The following MVP variants were observed in gnomAD, a reference collection of about 807,000 sequenced individuals.
The protein encoded by MVP is major vault protein.
In MVP, 62 loss-of-function variants were observed where a neutral mutation model predicts 83.5. That is an observed-to-expected ratio of 0.74 (90% confidence interval 0.61 to 0.92). MVP has a LOEUF of 0.92. MVP is among the 40% of genes least tolerant of loss of function. The pLI is 0.00. For synonymous variants in MVP, 505 were observed against 504.1 expected, an observed-to-expected ratio of 1.00 and a Z score of -0.02; for missense variants, 1,000 against 1,203.4, an observed-to-expected ratio of 0.83 and a Z score of 2.50.
chr16:29,842,612 T>C (rs2067544536), intron 10 of MVP, among the ~76,000 whole-genome samples: 1 of 152,074 alleles, frequency 6.6e-6, no homozygotes, highest in Non-Finnish European at 1.5e-5. Flanking sequence ...GTCAACCCTG[T>C]TTCAAAACAA....
chr16:29,840,675 C>T (rs1281410119), intron 8 of MVP, among the ~76,000 whole-genome samples: 1 of 152,146 alleles, frequency 6.6e-6, no homozygotes, highest in East Asian at 1.9e-4. Flanking sequence ...GGTGCGGTAG[C>T]TCACATCTGT....
intron 6 of MVP, 43 bp from the exon 7 acceptor site, chr16:29,836,679 G>GT (rs1264427374): frequency 2.7e-6 from 4 of 1,490,056 alleles, no homozygotes; most frequent in Non-Finnish European, 3.6e-6. Context: ...ATCCCCTGAA[G>GT]TTGGAGGCAG....
At chr16:29,836,621 T>G in intron 6 of MVP, 101 bp from the exon 7 acceptor site, 13 of 887,564 alleles carry the variant, frequency 1.5e-5, no homozygotes, top group East Asian at 2.6e-5. Context: ...AAATTGTCTC[T>G]GAGATCTGGG....
chr16:29,841,674 G>C lies in MVP; in HGVS notation c.1270G>C (p.Glu424Gln). Residue 424 changes from glutamate to glutamine, a missense_variant, in exon 9 of 15, where the codon GAG (glutamate) becomes CAG (glutamine). Glu to Gln is a conservative substitution (Grantham distance 29, BLOSUM62 2). Transcript: ENST00000357402. This position sits in a 1 kb window ranked among gnomAD's most constrained non-coding sequence, Gnocchi z 4.7. Reference sequence around the variant, plus strand: ...GGAGAAAGAGCTGCCTCCCGGGGTGGAGGAGCTGCTGAACAAGGGGCAGGA... The same window carrying C: ...GGAGAAAGAGCTGCCTCCCGGGGTGCAGGAGCTGCTGAACAAGGGGCAGGA... ...LWEKELPPGV[E>Q]ELLNKGQDPL... 1 of 1,611,690 alleles carries C rather than the reference G, an allele frequency of 6.2e-7. No individual in the cohort carries two copies. Among genetic ancestry groups the C allele is most frequent in the South Asian group, 1.1e-5 (1 of 90,592 alleles).
At position 29,830,575 on chromosome 16, in the gene MVP, G is replaced by A. The variant is rs762150769; in HGVS notation, c.26G>A (p.Arg9His). MATEEFII[R>H]IPPYHYIHVL... ...ATGGCAACTGAAGAGTTCATCATCC[G>A]CATCCCCCCATACCACTATATCCAT... is the stretch of plus-strand genomic sequence containing the variant. Residue 9 changes from arginine (R) to histidine (H), a missense_variant, in exon 2 of 15, where the codon CGC becomes CAC. By Grantham distance (29) the Arg-to-His change is conservative. Transcript: ENST00000357402. The A allele has an allele frequency of 1.2e-6, 2 of 1,613,756 alleles. No homozygotes were observed. The highest frequency in any genetic ancestry group is 2.2e-5 in the East Asian group (1 of 44,876).
Position 29,845,885 on chromosome 16 carries a change from C to T in MVP, c.2044C>T (p.Gln682Ter), listed in dbSNP as rs537746836. Residue 682 changes from glutamine to a stop codon, truncating the protein, a stop_gained, in exon 12 of 15, where the codon CAG (glutamine) becomes TAG (stop). Coordinates refer to ENST00000357402, the MANE Select transcript of MVP (RefSeq NM_005115.5). LOFTEE classifies it high-confidence loss of function. ...AAKHEAQRLE[Q>*]EARGRLERQK... ...CAGGCATGAGGCTCAGAGACTGGAG[C>T]AGGAAGCCCGCGGCCGGCTTGAGCG... The T allele has an allele frequency of 1.1e-4, 173 of 1,613,926 alleles. No homozygotes were observed. The highest frequency in any genetic ancestry group is 1.4e-4 in the Non-Finnish European group (166 of 1,179,956).
chr16:29,839,080 C>T (rs528022457), intron 7 of MVP, among the ~76,000 whole-genome samples: 111 of 152,046 alleles, frequency 7.3e-4, no homozygotes, highest in African/African-American at 2.5e-3. Flanking sequence ...AGCTACTGCT[C>T]GGGAGGCTGA....
chr16:29,831,044 C>T lies in MVP; in HGVS notation c.292C>T (p.Pro98Ser), dbSNP rs754544174. ...LEIRLAQDPF[P>S]LYPGEVLEKD... ...GATCCGGCTGGCCCAGGACCCCTTC[C>T]CCCTGTACCCAGGGGAGGTGCTGGA... The change falls in exon 3 of 15, where the codon CCC (proline) becomes TCC (serine). Residue 98 changes from proline (P) to serine (S), a missense_variant. Physicochemically the swap from Pro to Ser is moderately conservative, Grantham distance 74 (BLOSUM62 -1). Transcript: ENST00000357402. 6.2e-7 allele frequency: 1 copy of T among 1,613,330 alleles called. No homozygotes were observed. Among genetic ancestry groups the T allele is most frequent in the South Asian group, 1.1e-5 (1 of 91,080 alleles).
chr16:29,826,266 A>G (rs2067404110), intron 1 of MVP, among the ~76,000 whole-genome samples: 2 of 152,260 alleles, frequency 1.3e-5, no homozygotes, highest in South Asian at 4.2e-4. Flanking sequence ...CTCATTTTGT[A>G]GATGAGGAAA....
At chr16:29,831,198 C>T in intron 3 of MVP, 125 bp downstream of exon 3, 1 of 995,328 alleles carries the variant, frequency 1.0e-6, no homozygotes. Flanking sequence ...CTCTTGTCGC[C>T]CAGGCTGGAG....
At chr16:29,847,674 C>A in intron 14 of MVP, 88 bp from the exon 15 acceptor site, 2 of 1,330,202 alleles carry the variant, frequency 1.5e-6, no homozygotes, top group Non-Finnish European at 2.1e-6. Flanking sequence ...GGGAGGTGAC[C>A]CTTCAAACCA....
intron 4 of MVP, 38 bp downstream of exon 4, chr16:29,833,894 C>G (rs1171093173): frequency 9.9e-6 from 16 of 1,613,972 alleles, no homozygotes; most frequent in Admixed American, 1.7e-5. Context: ...GCCTTCCTGT[C>G]ATAGCCCTGA....
At chr16:29,827,277 G>A (rs1023954692) in intron 1 of MVP, among the ~76,000 whole-genome samples, 9 of 152,150 alleles carry the variant, frequency 5.9e-5, no homozygotes, top group African/African-American at 2.2e-4. Flanking sequence ...GAAAGAATGA[G>A]CAGCAGAATA....
chr16:29,836,587 A>C, intron 6 of MVP, 135 bp from the exon 7 acceptor site: 2 of 776,300 alleles, frequency 2.6e-6, no homozygotes, highest in Non-Finnish European at 4.1e-6. Flanking sequence ...TAAAAAAAAA[A>C]AAAAACAATC....
chr16:29,835,050 GTTGC>G (rs1210351210), intron 5 of MVP: 2 of 152,034 alleles, frequency 1.3e-5, no homozygotes, highest in Non-Finnish European at 2.9e-5. Context: ...CAGAATGCAG[GTTGC>G]TTGCCCTGGG....
intron 5 of MVP, chr16:29,835,456 G>C (rs2150754953): frequency 3.5e-6 from 1 of 285,216 alleles, no homozygotes; most frequent in East Asian, 5.9e-5. Context: ...ATCACAGCCT[G>C]GGCAACAGAG....
rs1285440879 is a variant in MVP, at chr16:29,847,233, C to T, written c.2302C>T (p.Leu768=). ...CCAGAGGGTCCAGAAGGTCCGAGAG[C>T]TGGAACTGGTCTATGCCCGGGCCCA... ...ELQRVQKVRE[L]ELVYARAQLE... The change falls in exon 14 of 15, where the codon CTG becomes TTG. Residue 768 remains leucine, a synonymous_variant. Transcript: ENST00000357402. 1 of 1,613,686 alleles carries T rather than the reference C, an allele frequency of 6.2e-7. No individual in the cohort carries two copies. The highest frequency in any genetic ancestry group is 2.2e-5 in the East Asian group (1 of 44,854).
Position 29,835,766 on chromosome 16 carries a change from G to C in MVP, c.640G>C (p.Asp214His). 3 of 1,613,992 alleles carry C rather than the reference G, an allele frequency of 1.9e-6. No homozygotes were observed. Among genetic ancestry groups the C allele is most frequent in the Non-Finnish European group, 2.5e-6 (3 of 1,179,992 alleles). ...YLPAVFEEVL[D>H]LVDAVILTEK... Reference sequence around the variant, plus strand: ...CCCAGCGGTGTTTGAGGAGGTTCTGGATTTGGTGGACGCCGTCATCCTTAC... The same window carrying C: ...CCCAGCGGTGTTTGAGGAGGTTCTGCATTTGGTGGACGCCGTCATCCTTAC... The change falls in exon 6 of 15, where the codon GAT becomes CAT. Residue 214 changes from aspartate (D) to histidine (H), a missense_variant. Asp to His is a moderately conservative substitution (Grantham distance 81). Coordinates refer to ENST00000357402, the MANE Select transcript of MVP (RefSeq NM_005115.5).
At chr16:29,821,918 G>A (rs2067364588) in intron 1 of MVP, among the ~76,000 whole-genome samples, 1 of 152,180 alleles carries the variant, frequency 6.6e-6, no homozygotes, top group African/African-American at 2.4e-5. Flanking sequence ...AAAGCAGCAG[G>A]AGTGGGGTTA....
Sources: allele counts gnomAD v4.1 joint callset (sites outside exome capture counted in the v4.1 genomes callset), GRCh38; gene constraint gnomAD v4.1.1; non-coding constraint Gnocchi (gnomAD v3.1); transcripts MANE v1.5; gene names NCBI Gene and HGNC (gene_info 2026-07-23, HGNC 2026-07-21).